The following WDR27 variants were observed in gnomAD, a reference collection of about 807,000 sequenced individuals.
The protein encoded by WDR27 is WD repeat domain 27, also known as WD repeat-containing protein 27.
Under a neutral mutation model 114.4 loss-of-function variants are expected in WDR27, and 100 were observed. That is an observed-to-expected ratio of 0.87 (90% CI 0.74 to 1.03). WDR27 has a LOEUF of 1.03. Ranked by LOEUF, WDR27 falls within the 50% of genes least tolerant of loss-of-function variation. WDR27 has a pLI of 0.00. For missense variants in WDR27, 1,129 were observed against 1,092.9 expected (o/e 1.03, Z -0.47); for synonymous variants, 449 against 423.1 (o/e 1.06, Z -0.75).
intron 2 of WDR27, among the ~76,000 whole-genome samples, chr6:169,673,658 A>C (rs1779341968): frequency 6.6e-6 from 1 of 152,116 alleles, no homozygotes; most frequent in South Asian, 2.1e-4. Flanking sequence ...TGAGGAGCTG[A>C]GATTCAAGGG....
chr6:169,576,156 G>A (rs537686928), intron 24 of WDR27, among the ~76,000 whole-genome samples: 6 of 152,360 alleles, frequency 3.9e-5, no homozygotes, highest in African/African-American at 1.4e-4. Context: ...AAATGTGGTA[G>A]AGTGTGTTCA....
intron 24 of WDR27, among the ~76,000 whole-genome samples, chr6:169,579,260 A>C (rs570401702): frequency 6.6e-6 from 1 of 152,346 alleles, no homozygotes; most frequent in South Asian, 2.1e-4. Flanking sequence ...TGTAATGTGG[A>C]GGTAGAAGAG....
intron 25 of WDR27, among the ~76,000 whole-genome samples, chr6:169,548,660 T>TCTTGATTA (rs1426470875): frequency 2.0e-5 from 3 of 152,050 alleles, no homozygotes; most frequent in Non-Finnish European, 4.4e-5. Context: ...TTACTATGAA[T>TCTTGATTA]CTATAGTAAT....
intron 23 of WDR27, among the ~76,000 whole-genome samples, chr6:169,587,364 G>A (rs904295902): frequency 6.6e-6 from 1 of 151,964 alleles, no homozygotes; most frequent in Non-Finnish European, 1.5e-5. Flanking sequence ...GATTACAGGT[G>A]CCTAGCACCA....
intron 22 of WDR27, among the ~76,000 whole-genome samples, chr6:169,610,189 C>A (rs1389455207): frequency 6.6e-6 from 1 of 152,204 alleles, no homozygotes; most frequent in Non-Finnish European, 1.5e-5. Flanking sequence ...CAAACTGTTC[C>A]AACCTCTGCC....
intron 25 of WDR27, among the ~76,000 whole-genome samples, chr6:169,551,888 C>T (rs568909895): frequency 5.1e-4 from 78 of 152,148 alleles, no homozygotes; most frequent in Non-Finnish European, 1.8e-4. Context: ...CAGTCACAGT[C>T]GACACTTACA....
intron 14 of WDR27, among the ~76,000 whole-genome samples, chr6:169,649,502 C>T (rs1821687626): frequency 6.6e-6 from 1 of 152,012 alleles, no homozygotes; most frequent in Admixed American, 6.5e-5. Context: ...CCTGTGACTC[C>T]TTTAAAATCC....
chr6:169,617,893 C>T (rs1226871567), intron 21 of WDR27, among the ~76,000 whole-genome samples: 1 of 152,212 alleles, frequency 6.6e-6, no homozygotes, highest in Non-Finnish European at 1.5e-5. Context: ...ATTTTACAGC[C>T]TGCTCTTCGT....
At chr6:169,678,639 A>T (rs1004682342) in intron 2 of WDR27, among the ~76,000 whole-genome samples, 7 of 152,128 alleles carry the variant, frequency 4.6e-5, no homozygotes, top group Admixed American at 4.6e-4. Context: ...TTCCTTTCTA[A>T]GGGGTCTGGG....
chr6:169,470,944 G>A (rs909069353), intron 25 of WDR27, among the ~76,000 whole-genome samples: 1 of 152,010 alleles, frequency 6.6e-6, no homozygotes, highest in Non-Finnish European at 1.5e-5. Flanking sequence ...TCAGACAAGG[G>A]CAATGAGTGC....
the WDR27 span, among the ~76,000 whole-genome samples, chr6:169,430,253 A>T: frequency 6.6e-6 from 1 of 152,180 alleles, no homozygotes; most frequent in Non-Finnish European, 1.5e-5. Context: ...CTTGGTGAGC[A>T]CCCGCCTACC....
At chr6:169,478,493 T>C (rs1348442769) in intron 25 of WDR27, among the ~76,000 whole-genome samples, 1 of 152,150 alleles carries the variant, frequency 6.6e-6, no homozygotes, top group African/African-American at 2.4e-5. Flanking sequence ...CAGTAATACT[T>C]TATTATGAAG....
chr6:169,438,856 AC>A, the WDR27 span, among the ~76,000 whole-genome samples: 3 of 152,134 alleles, frequency 2.0e-5, no homozygotes, highest in African/African-American at 7.2e-5. Context: ...ACTTAGAAAA[AC>A]TAGGTCATCT....
At chr6:169,669,301 C>T (rs868745777) in intron 4 of WDR27, among the ~76,000 whole-genome samples, 43 of 152,312 alleles carry the variant, frequency 2.8e-4, no homozygotes, top group African/African-American at 9.4e-4. Context: ...TCATTCTCCC[C>T]GAGTGAAGTG....
intron 25 of WDR27, among the ~76,000 whole-genome samples, chr6:169,484,868 C>T (rs1460028139): frequency 1.3e-5 from 2 of 152,082 alleles, no homozygotes; most frequent in African/African-American, 4.8e-5. Flanking sequence ...TAAGGCCACA[C>T]ACCTATGACC....
chr6:169,625,968 G>A (rs1814705957), intron 21 of WDR27, among the ~76,000 whole-genome samples: 1 of 152,232 alleles, frequency 6.6e-6, no homozygotes, highest in African/African-American at 2.4e-5. Flanking sequence ...CTTCATGTGG[G>A]CGCCAAGCTT....
chr6:169,522,633 T>A (rs569747419), intron 25 of WDR27, among the ~76,000 whole-genome samples: 1 of 151,846 alleles, frequency 6.6e-6, no homozygotes, highest in Non-Finnish European at 1.5e-5. Context: ...TTGACCACAA[T>A]GAAATAAAAC....
chr6:169,601,773 CCAT>C (rs1808030635), intron 23 of WDR27, among the ~76,000 whole-genome samples: 1 of 152,214 alleles, frequency 6.6e-6, no homozygotes, highest in South Asian at 2.1e-4. Context: ...CCCAAATCCA[CCAT>C]GAGGCGCATG....
At chr6:169,566,223 G>A (rs940219038) in intron 25 of WDR27, among the ~76,000 whole-genome samples, 8 of 152,252 alleles carry the variant, frequency 5.3e-5, no homozygotes, top group Admixed American at 3.3e-4. Context: ...AGCACCACTA[G>A]ACAAAGCTCT....
Sources: allele counts gnomAD v4.1 joint callset (sites outside exome capture counted in the v4.1 genomes callset), GRCh38; gene constraint gnomAD v4.1.1; transcripts MANE v1.5; gene names NCBI Gene and HGNC (gene_info 2026-07-23, HGNC 2026-07-21).